The following ST6GAL1 variants were observed in gnomAD, a reference collection of about 807,000 sequenced individuals.
The protein encoded by ST6GAL1 is ST6 beta-galactoside alpha-2,6-sialyltransferase 1, also known as beta-galactoside alpha-2,6-sialyltransferase 1.
A neutral mutation model predicts 38.0 loss-of-function variants in ST6GAL1; 20 were observed. The ratio of observed to expected loss-of-function variants is 0.53; its 90% CI spans 0.37 to 0.77. The LOEUF is 0.77. Ranked by LOEUF, ST6GAL1 falls within the 30% of genes least tolerant of loss-of-function variation. ST6GAL1 has a pLI of 0.00. For synonymous variants in ST6GAL1, 196 were observed against 188.2 expected (o/e 1.04, Z -0.34); for missense variants, 432 against 496.4 (o/e 0.87, Z 1.23).
At chr3:187,038,197 CTTT>C (rs1185371884) in intron 2 of ST6GAL1, among the ~76,000 whole-genome samples, 1,970 of 88,472 alleles carry the variant, frequency 0.022, 25 homozygotes, top group African/African-American at 0.074. Flanking sequence ...AAGTCTATTT[CTTT>C]TTTTTTTTTT....
chr3:186,967,336 C>CAT (rs532079332), intron 2 of ST6GAL1, among the ~76,000 whole-genome samples: 7,176 of 152,256 alleles, frequency 0.047, 227 homozygotes, highest in African/African-American at 0.088. Context: ...AGATTACAGG[C>CAT]GCCTGCCACC....
chr3:187,009,465 A>G (rs117210196), intron 2 of ST6GAL1, among the ~76,000 whole-genome samples: 7 of 151,968 alleles, frequency 4.6e-5, no homozygotes, highest in African/African-American at 1.7e-4. Context: ...TATGAGTGCA[A>G]TTTTTTATTT....
intron 2 of ST6GAL1, among the ~76,000 whole-genome samples, chr3:186,967,617 GAGGGA>G (rs1715192306): frequency 6.6e-6 from 1 of 152,228 alleles, no homozygotes; most frequent in African/African-American, 2.4e-5. Context: ...CAGAGTGGCA[GAGGGA>G]GTGATTTGGG....
intron 2 of ST6GAL1, among the ~76,000 whole-genome samples, chr3:187,026,361 G>A (rs557873267): frequency 1.3e-5 from 2 of 152,266 alleles, no homozygotes; most frequent in Admixed American, 6.5e-5. Flanking sequence ...AACAGTGCTC[G>A]CCTTGGGCAC....
intron 2 of ST6GAL1, among the ~76,000 whole-genome samples, chr3:186,989,417 G>A (rs140049803): frequency 6.6e-6 from 1 of 152,282 alleles, no homozygotes; most frequent in East Asian, 1.9e-4. Context: ...TTGAAAGAAG[G>A]GTTGTCATTA....
intron 1 of ST6GAL1, among the ~76,000 whole-genome samples, chr3:186,958,721 G>C (rs1410289424): frequency 2.0e-5 from 3 of 152,158 alleles, no homozygotes; most frequent in African/African-American, 7.2e-5. Context: ...GGAGGCCAAG[G>C]CTGGTGGATC....
intron 1 of ST6GAL1, among the ~76,000 whole-genome samples, chr3:186,931,889 A>G (rs35461422): frequency 0.1 from 15,964 of 152,258 alleles, 907 homozygotes; most frequent in Non-Finnish European, 0.12. Flanking sequence ...GGTCCGGAAA[A>G]AGAGAACTCT....
chr3:186,989,401 G>A (rs1377748679), intron 2 of ST6GAL1, among the ~76,000 whole-genome samples: 1 of 152,196 alleles, frequency 6.6e-6, no homozygotes, highest in Non-Finnish European at 1.5e-5. Context: ...CTGCAGACAG[G>A]CTGTCTTGAA....
At chr3:187,074,661 G>C (rs1170386209) in intron 7 of ST6GAL1, among the ~76,000 whole-genome samples, 1 of 152,110 alleles carries the variant, frequency 6.6e-6, no homozygotes, top group Non-Finnish European at 1.5e-5. Context: ...GGAGGAAGTA[G>C]TGTTCGGTAG....
At chr3:186,998,118 TAAAAA>T (rs999786029) in intron 2 of ST6GAL1, among the ~76,000 whole-genome samples, 1 of 152,014 alleles carries the variant, frequency 6.6e-6, no homozygotes, top group Non-Finnish European at 1.5e-5. Flanking sequence ...ATACGGGAAG[TAAAAA>T]GAAACAGATG....
At chr3:187,058,889 C>A (rs886797315) in intron 5 of ST6GAL1, among the ~76,000 whole-genome samples, 2 of 152,154 alleles carry the variant, frequency 1.3e-5, no homozygotes, top group African/African-American at 4.8e-5. Flanking sequence ...TAACCACCCA[C>A]CTTGGCCTCC....
chr3:187,030,628 T>G (rs1477788605), intron 2 of ST6GAL1, among the ~76,000 whole-genome samples: 1 of 152,050 alleles, frequency 6.6e-6, no homozygotes, highest in Non-Finnish European at 1.5e-5. Flanking sequence ...AAGATGAGGT[T>G]TCACCGTGTT....
chr3:187,042,830 A>G lies in ST6GAL1; in HGVS notation c.127A>G (p.Lys43Glu), dbSNP rs376769275. Residue 43 changes from lysine (K) to glutamate (E), a missense_variant, in exon 4 of 8, where the codon AAG becomes GAG. Lys to Glu is a moderately conservative substitution (Grantham distance 56). Coordinates refer to ENST00000169298, the MANE Select transcript of ST6GAL1 (RefSeq NM_173216.2). Reference protein sequence around the residue: ...SYYDSFKLQTKEFQVLKSLGK... With the variant: ...SYYDSFKLQTEEFQVLKSLGK... ...CTATGATTCCTTTAAATTGCAAACCAAGGAATTCCAGGTGTTAAAGAGTCT... is the reference window on the plus strand; with the variant it reads ...CTATGATTCCTTTAAATTGCAAACCGAGGAATTCCAGGTGTTAAAGAGTCT... 2.5e-6 allele frequency: 4 copies of G among 1,614,056 alleles called. No individual in the cohort carries two copies. The highest frequency in any genetic ancestry group is 3.4e-6 in the Non-Finnish European group (4 of 1,180,030).
At chr3:187,021,538 G>C in intron 2 of ST6GAL1, among the ~76,000 whole-genome samples, 2 of 151,836 alleles carry the variant, frequency 1.3e-5, no homozygotes, top group Middle Eastern at 3.4e-3. Flanking sequence ...TCAGGAGTTC[G>C]AGACCAGCCT....
At chr3:186,968,088 G>A (rs1029685034) in intron 2 of ST6GAL1, among the ~76,000 whole-genome samples, 1 of 152,196 alleles carries the variant, frequency 6.6e-6, no homozygotes, top group African/African-American at 2.4e-5. Context: ...GGGAGTTATG[G>A]CCTGTGGCTT....
At position 187,075,914 on chromosome 3, in the gene ST6GAL1, G is replaced by A. The variant is rs2239611; in HGVS notation, c.*111G>A. 0.015 allele frequency: 21,653 copies of A among 1,491,904 alleles called. 1,222 individuals are homozygous for A. The East Asian group carries it at 0.21, about 14-fold the overall frequency. The allele number at this position is 1,491,904 out of a possible 1,614,324, so 92.4% of individuals were successfully genotyped here. Reference sequence around the variant, plus strand: ...ATTCCAGCCTGCTCCTTTTACTCTAGGGGCCTCTGTCAGCAAGACCATGGG... The same window carrying A: ...ATTCCAGCCTGCTCCTTTTACTCTAAGGGCCTCTGTCAGCAAGACCATGGG... On this transcript the variant is annotated 3_prime_UTR_variant, in exon 8 of 8. Coordinates refer to ENST00000169298, the MANE Select transcript of ST6GAL1 (RefSeq NM_173216.2). The surrounding 1 kb of genome is among the most constrained non-coding windows in gnomAD (Gnocchi z 4.1).
At chr3:187,057,779 G>A (rs113738395) in intron 5 of ST6GAL1, among the ~76,000 whole-genome samples, 1,919 of 152,298 alleles carry the variant, frequency 0.013, 49 homozygotes, top group African/African-American at 0.043. Context: ...CAATCTGTCC[G>A]TTCTCCGAGT....
chr3:186,953,336 T>C (rs1714642746), intron 1 of ST6GAL1, among the ~76,000 whole-genome samples: 1 of 152,202 alleles, frequency 6.6e-6, no homozygotes, highest in African/African-American at 2.4e-5. Context: ...TCACTGAGCC[T>C]ACTCCTCAGA....
chr3:186,942,968 G>T (rs917754364), intron 1 of ST6GAL1, among the ~76,000 whole-genome samples: 2 of 152,322 alleles, frequency 1.3e-5, no homozygotes, highest in East Asian at 1.9e-4. Context: ...CTCCCAAAGT[G>T]CTGGGATCAC....
Sources: gnomAD v4.1 joint callset for allele counts (sites outside exome capture counted in the v4.1 genomes callset) on GRCh38, gnomAD v4.1.1 for gene constraint, Gnocchi (gnomAD v3.1) non-coding constraint, MANE v1.5 for transcripts, NCBI Gene and HGNC (gene_info 2026-07-23, HGNC 2026-07-21) for gene names.